RAD51B: variants seen among roughly 807,000 people sequenced by gnomAD.
RAD51B encodes DNA repair protein RAD51 homolog 2.
RAD51B carries 38 observed loss-of-function variants against 42.2 expected under a neutral mutation model. The ratio of observed to expected loss-of-function variants is 0.90; its 90% CI spans 0.70 to 1.18. The LOEUF (loss-of-function observed/expected upper bound fraction) is 1.18. RAD51B is among the 50% of genes most tolerant of loss of function. The pLI, the probability that RAD51B is intolerant of heterozygous loss-of-function variation, is 0.00. For synonymous variants in RAD51B, 154 were observed against 145.2 expected (o/e 1.06, Z -0.43); for missense variants, 373 against 400.7 (o/e 0.93, Z 0.59).
At chr14:68,628,529 TC>T (rs1892148942) in intron 10 of RAD51B, 1 of 151,826 alleles carries the variant, frequency 6.6e-6, no homozygotes, top group South Asian at 2.1e-4. Context: ...ATTCCCCCCA[TC>T]CCTGCTCCAA....
At chr14:68,286,044 GTGTATTTCTGGAT>G (rs2081408855) in intron 7 of RAD51B, among the ~76,000 whole-genome samples, 1 of 152,198 alleles carries the variant, frequency 6.6e-6, no homozygotes, top group African/African-American at 2.4e-5. Context: ...CCATCTTTCA[GTGTATTTCTGGAT>G]ATTAGATTTA....
chr14:68,257,639 G>A (rs947447474), intron 7 of RAD51B, among the ~76,000 whole-genome samples: 2 of 152,126 alleles, frequency 1.3e-5, no homozygotes, highest in African/African-American at 4.8e-5. Context: ...GGAACATGAA[G>A]GAGTGAAAAG....
chr14:68,226,591 C>T (rs887911684), intron 7 of RAD51B, among the ~76,000 whole-genome samples: 3 of 152,184 alleles, frequency 2.0e-5, no homozygotes, highest in Non-Finnish European at 4.4e-5. Context: ...TGCCTGGTGC[C>T]GTGTAAGACG....
At chr14:67,990,342 A>G (rs922087219) in intron 7 of RAD51B, among the ~76,000 whole-genome samples, 9 of 152,214 alleles carry the variant, frequency 5.9e-5, no homozygotes, top group Non-Finnish European at 1.3e-4. Flanking sequence ...TGGGATAGTC[A>G]GGCAAAAACA....
chr14:68,096,323 A>G (rs994339123), intron 7 of RAD51B, among the ~76,000 whole-genome samples: 1 of 152,136 alleles, frequency 6.6e-6, no homozygotes, highest in Non-Finnish European at 1.5e-5. Flanking sequence ...CAGTTGCTCA[A>G]AAGTCTGTTT....
At chr14:68,442,729 A>G (rs1043356914) in intron 9 of RAD51B, among the ~76,000 whole-genome samples, 5 of 151,638 alleles carry the variant, frequency 3.3e-5, no homozygotes, top group African/African-American at 9.7e-5. Context: ...ATGAGCCACT[A>G]CACCCGGCCG....
chr14:67,883,349 C>T (rs895036249), intron 5 of RAD51B, among the ~76,000 whole-genome samples: 1 of 148,186 alleles, frequency 6.7e-6, no homozygotes, highest in Non-Finnish European at 1.5e-5. Context: ...AAAACAAAAA[C>T]CACAGACCTA....
chr14:68,383,218 G>A (rs181578513), intron 8 of RAD51B, among the ~76,000 whole-genome samples: 1 of 152,202 alleles, frequency 6.6e-6, no homozygotes, highest in Admixed American at 6.5e-5. Flanking sequence ...AAGTATCAAA[G>A]AGAAGACTCT....
chr14:68,610,841 A>ATGTG (rs1323864540), intron 10 of RAD51B, among the ~76,000 whole-genome samples: 1,213 of 71,130 alleles, frequency 0.017, 18 homozygotes, highest in African/African-American at 0.062. Context: ...ATCTGAATGT[A>ATGTG]TATGTGTGTG....
At chr14:68,662,012 C>T (rs1317405855) in intron 11 of RAD51B, among the ~76,000 whole-genome samples, 1 of 152,240 alleles carries the variant, frequency 6.6e-6, no homozygotes, top group Non-Finnish European at 1.5e-5. Context: ...GACACACTCT[C>T]AGTCCCCTCC....
At chr14:68,159,480 C>A (rs937466282) in intron 7 of RAD51B, among the ~76,000 whole-genome samples, 1 of 151,904 alleles carries the variant, frequency 6.6e-6, no homozygotes, top group Non-Finnish European at 1.5e-5. Context: ...ATTAGCCAGC[C>A]ACGATGGCGT....
chr14:68,595,523 G>A (rs1309439589), exon 11 of RAD51B: 2 of 1,066,574 alleles, frequency 1.9e-6, no homozygotes, highest in Non-Finnish European at 1.1e-6. Context: ...CAAGGGTTGT[G>A]AAGTCTGTCT....
intron 7 of RAD51B, among the ~76,000 whole-genome samples, chr14:68,151,814 T>A: frequency 6.8e-6 from 1 of 146,056 alleles, no homozygotes. Flanking sequence ...TGGACTATAG[T>A]TATAAAGACT....
At chr14:68,360,075 A>G (rs1056836725) in intron 8 of RAD51B, among the ~76,000 whole-genome samples, 3 of 152,212 alleles carry the variant, frequency 2.0e-5, no homozygotes, top group Non-Finnish European at 1.5e-5. Context: ...TCCTAAAACT[A>G]TGTCTAGTCT....
At chr14:68,230,535 A>G (rs1394493078) in intron 7 of RAD51B, among the ~76,000 whole-genome samples, 1 of 152,220 alleles carries the variant, frequency 6.6e-6, no homozygotes, top group Non-Finnish European at 1.5e-5. Context: ...AGCACTGCCC[A>G]TAATAAAGGT....
rs569034335 is a variant in RAD51B at position 68,409,385 on chromosome 14, G to A, written c.854-2039G>A. On this transcript the variant is annotated intron_variant, in intron 8 of 10. Coordinates refer to ENST00000471583, the MANE Select transcript of RAD51B (RefSeq NM_133510.4). ...GTGAAGAAGTTCTACATGTTAATATGCAAGCACTTGGCCTCTTTACTAATG... is the reference window on the plus strand; with the variant it reads ...GTGAAGAAGTTCTACATGTTAATATACAAGCACTTGGCCTCTTTACTAATG... 3.5e-4 allele frequency among the ~76,000 whole-genome samples: 54 copies of A among 152,300 alleles called. No homozygotes were observed. In the South Asian group the frequency reaches 7.9e-3, roughly 22 times the overall value.
intron 8 of RAD51B, among the ~76,000 whole-genome samples, chr14:68,300,077 G>A (rs1245930827): frequency 6.6e-6 from 1 of 152,192 alleles, no homozygotes. Flanking sequence ...ATGAAGGACA[G>A]ATTCCTTTTG....
intron 9 of RAD51B, among the ~76,000 whole-genome samples, chr14:68,466,707 C>T (rs1277142737): frequency 6.6e-6 from 1 of 152,224 alleles, no homozygotes; most frequent in Non-Finnish European, 1.5e-5. Context: ...TTCTACCTAT[C>T]ATTTGTACTC....
At chr14:68,399,203 G>T (rs1360501769) in intron 8 of RAD51B, among the ~76,000 whole-genome samples, 1 of 151,012 alleles carries the variant, frequency 6.6e-6, no homozygotes, top group African/African-American at 2.4e-5. Flanking sequence ...CTACAGAAAA[G>T]TTCCAAGAAA....
Sources: allele counts gnomAD v4.1 joint callset (sites outside exome capture counted in the v4.1 genomes callset), GRCh38; gene constraint gnomAD v4.1.1; transcripts MANE v1.5; gene names NCBI Gene and HGNC (gene_info 2026-07-23, HGNC 2026-07-21).